The following GFM1 variants were observed in gnomAD, a reference collection of about 807,000 sequenced individuals.
GFM1 encodes the protein elongation factor G, mitochondrial.
In GFM1, 62 loss-of-function variants were observed where a neutral mutation model predicts 96.2. The ratio of observed to expected loss-of-function variants is 0.64; its 90% confidence interval spans 0.53 to 0.80. The LOEUF is 0.80. GFM1 is among the 30% of genes least tolerant of loss of function. The pLI is 0.00. For synonymous variants in GFM1, 282 were observed against 312.9 expected (o/e 0.90, Z 1.04); for missense variants, 852 against 916.6 (o/e 0.93, Z 0.91).
At position 158,675,115 on chromosome 3, in the gene GFM1, C is replaced by T. The variant is rs1048747297; in HGVS notation, c.1602-6880C>T. Among the ~76,000 whole-genome samples, 9 of 151,850 alleles carry T rather than the reference C, an allele frequency of 5.9e-5. No homozygotes were observed. The South Asian group carries it at 8.3e-4, about 14-fold the overall frequency. On this transcript the variant is annotated intron_variant, in intron 13 of 17. Coordinates refer to ENST00000486715, the MANE Select transcript of GFM1 (RefSeq NM_024996.7). ...CAGCCTGGCCAATATGGTGAAACCC[C>T]GTCTCTACTTAAAATACAAAAATTA... is the stretch of plus-strand genomic sequence containing the variant.
chr3:158,654,911 G>A (rs1484567172), intron 8 of GFM1, among the ~76,000 whole-genome samples: 1 of 152,092 alleles, frequency 6.6e-6, no homozygotes, highest in Non-Finnish European at 1.5e-5. Context: ...TGTCACAGTA[G>A]ATAATGGTCC....
chr3:158,646,097 A>G, intron 2 of GFM1, 68 bp from the exon 3 acceptor site: 4 of 1,590,776 alleles, frequency 2.5e-6, no homozygotes, highest in East Asian at 2.2e-5. Flanking sequence ...TTTCCATTTC[A>G]GTTAAGATTT....
At chr3:158,673,627 T>G (rs1475111549) in intron 13 of GFM1, among the ~76,000 whole-genome samples, 2 of 149,380 alleles carry the variant, frequency 1.3e-5, no homozygotes, top group African/African-American at 4.9e-5. Flanking sequence ...TTCTCCTGCC[T>G]CAGCCTCCAG....
At position 158,684,554 on chromosome 3, in the gene GFM1, C is replaced by T; in HGVS notation, c.1795C>T (p.Leu599Phe). Reference sequence around the variant, plus strand: ...TTTAGATGCCTGCGAGAAGGGCCCTCTTTCTGGTCACAAGCTCTCTGGGCT... The same window carrying T: ...TTTAGATGCCTGCGAGAAGGGCCCTTTTTCTGGTCACAAGCTCTCTGGGCT... ...GFLDACEKGP[L>F]SGHKLSGLRF... Residue 599 changes from leucine (L) to phenylalanine (F), a missense_variant, in exon 15 of 18, where the codon CTT becomes TTT. Coordinates refer to ENST00000486715, the MANE Select transcript of GFM1 (RefSeq NM_024996.7). 1.2e-6 allele frequency: 2 copies of T among 1,614,118 alleles called. No homozygotes were observed. Among genetic ancestry groups the T allele is most frequent in the Non-Finnish European group, 1.7e-6 (2 of 1,179,998 alleles).
intron 13 of GFM1, among the ~76,000 whole-genome samples, chr3:158,676,353 A>C (rs754013553): frequency 4.6e-5 from 7 of 152,220 alleles, no homozygotes; most frequent in Non-Finnish European, 1.0e-4. Flanking sequence ...TTTGGTTAAA[A>C]GTGGTGATTA....
chr3:158,690,962 T>C (rs1438972873), intron 16 of GFM1, among the ~76,000 whole-genome samples, 177 bp from the exon 17 acceptor site: 4 of 152,232 alleles, frequency 2.6e-5, no homozygotes, highest in Non-Finnish European at 2.9e-5. Flanking sequence ...AATTTTCAAA[T>C]AGGATTTCCA....
At position 158,649,097 on chromosome 3, in the gene GFM1, A is replaced by G; in HGVS notation, c.629A>G (p.Asn210Ser). 1 of 1,581,572 alleles carries G rather than the reference A, an allele frequency of 6.3e-7. No homozygotes were observed. Among genetic ancestry groups the G allele is most frequent in the Non-Finnish European group, 8.7e-7 (1 of 1,150,620 alleles). Reference sequence around the variant, plus strand: ...CAGATACCCATGGGTTTGGAGGGTAATTTTAAAGGTATTGTAGATCTTATT... The same window carrying G: ...CAGATACCCATGGGTTTGGAGGGTAGTTTTAAAGGTATTGTAGATCTTATT... ...FMQIPMGLEG[N>S]FKGIVDLIEE... is the part of the protein sequence containing the mutation. Residue 210 changes from asparagine to serine, a missense_variant, in exon 5 of 18, where the codon AAT becomes AGT. By Grantham distance (46) the Asn-to-Ser change is conservative. Transcript: ENST00000486715.
At chr3:158,684,876 C>T in intron 15 of GFM1, 1 of 537,638 alleles carries the variant, frequency 1.9e-6, no homozygotes, top group African/African-American at 1.9e-5. Flanking sequence ...CTGTATTCTC[C>T]TACATTCTCT....
chr3:158,684,526 G>A lies in GFM1; in HGVS notation c.1767G>A (p.Gly589=). ...AAGTTGTGTTCATTCATTAACAGGG[G>A]TTTTTAGATGCCTGCGAGAAGGGCC... is the stretch of plus-strand genomic sequence containing the variant. ...PKQFVPAVEK[G]FLDACEKGPL... is the part of the protein sequence containing the mutation. The change falls in exon 15 of 18, where the codon GGG becomes GGA. Residue 589 remains glycine (G), a splice_region_variant and synonymous_variant. Transcript: ENST00000486715. The A allele has an allele frequency of 6.2e-7, 1 of 1,614,068 alleles. No individual in the cohort carries two copies. Among genetic ancestry groups the A allele is most frequent in the Non-Finnish European group, 8.5e-7 (1 of 1,179,946 alleles).
chr3:158,660,836 T>TA, intron 9 of GFM1, 38 bp from the exon 10 acceptor site: 5 of 1,504,088 alleles, frequency 3.3e-6, no homozygotes, highest in Non-Finnish European at 4.6e-6. Context: ...TTATTTGTAT[T>TA]ACTTGCAAAT....
Position 158,646,237 on chromosome 3 carries a change from C to G in GFM1, c.307C>G (p.Gln103Glu), listed in dbSNP as rs756718556. The G allele has an allele frequency of 6.2e-7, 1 of 1,613,678 alleles. No individual in the cohort carries two copies. The highest frequency in any genetic ancestry group is 2.2e-5 in the East Asian group (1 of 44,878). The stretch of plus-strand genomic sequence containing the variant: ...AGAGAGACAAAGAGGAATCACTATT[C>G]AGTCAGCAGCCACTTACACCATGTG... ...ELERQRGITI[Q>E]SAATYTMWKD... Residue 103 changes from glutamine (Q) to glutamate (E), a missense_variant, in exon 3 of 18, where the codon CAG becomes GAG. Physicochemically the swap from Gln to Glu is conservative, Grantham distance 29. Transcript: ENST00000486715.
At chr3:158,680,343 G>C (rs1330401500) in intron 13 of GFM1, among the ~76,000 whole-genome samples, 1 of 152,088 alleles carries the variant, frequency 6.6e-6, no homozygotes, top group Non-Finnish European at 1.5e-5. Flanking sequence ...TAATGTGACA[G>C]ATGTTTTGCC....
At chr3:158,688,110 A>G (rs13324770) in intron 15 of GFM1, among the ~76,000 whole-genome samples, 87,904 of 152,032 alleles carry the variant, frequency 0.58, 26,248 homozygotes, top group African/African-American at 0.73. Flanking sequence ...AAATTCTCCC[A>G]TATTCTTGAT....
intron 13 of GFM1, among the ~76,000 whole-genome samples, chr3:158,670,777 A>G (rs1724210638): frequency 6.6e-6 from 1 of 152,130 alleles, no homozygotes; most frequent in African/African-American, 2.4e-5. Context: ...CAGGAGGATC[A>G]CAAAAATTAG....
chr3:158,677,416 A>G (rs28825222), intron 13 of GFM1, among the ~76,000 whole-genome samples: 2,458 of 152,378 alleles, frequency 0.016, 54 homozygotes, highest in African/African-American at 0.057. Flanking sequence ...AAGGTGAAGC[A>G]GCAAGTGCTG....
Position 158,691,703 on chromosome 3 carries a change from C to A in GFM1, c.*236C>A. 1 of 372,594 alleles carries A rather than the reference C, an allele frequency of 2.7e-6. No individual in the cohort carries two copies. 23.1% of individuals were successfully genotyped at this position (372,594 alleles called of 1,614,324 possible). On this transcript the variant is annotated 3_prime_UTR_variant, in exon 18 of 18. Transcript: ENST00000486715. ...ATTGGTTTTATAGTTCATTGAAAAT[C>A]CTCAAATAAAATATAATTATTACTG...
At chr3:158,673,508 CT>C (rs766011688) in intron 13 of GFM1, among the ~76,000 whole-genome samples, 81 of 114,260 alleles carry the variant, frequency 7.1e-4, no homozygotes, top group South Asian at 5.4e-3. Context: ...CTTTTCTTTT[CT>C]TTTTTTTTTT....
At chr3:158,671,319 ATAAGAAAG>A (rs1724281252) in intron 13 of GFM1, among the ~76,000 whole-genome samples, 1 of 152,258 alleles carries the variant, frequency 6.6e-6, no homozygotes, top group Admixed American at 6.5e-5. Context: ...AAGTCTCTAC[ATAAGAAAG>A]TTTGAAACAG....
At chr3:158,661,972 A>G (rs1723236139) in intron 10 of GFM1, among the ~76,000 whole-genome samples, 1 of 152,220 alleles carries the variant, frequency 6.6e-6, no homozygotes, top group Non-Finnish European at 1.5e-5. Context: ...TCTAAGTATT[A>G]TTGATAAGGC....
Sources: gnomAD v4.1 joint callset for allele counts (sites outside exome capture counted in the v4.1 genomes callset) on GRCh38, gnomAD v4.1.1 for gene constraint, MANE v1.5 for transcripts, NCBI Gene and HGNC (gene_info 2026-07-23, HGNC 2026-07-21) for gene names.